The following GPR158 variants were observed in gnomAD, a reference collection of about 807,000 sequenced individuals.
GPR158 encodes G protein-coupled receptor 158, also known as metabotropic glycine receptor.
In GPR158, 30 loss-of-function variants were observed where a neutral mutation model predicts 78.2. That is an observed-to-expected ratio of 0.38 (90% CI 0.29 to 0.52). The LOEUF (loss-of-function observed/expected upper bound fraction) is 0.52, where lower values mean the gene tolerates loss of function less well. Ranked by LOEUF, GPR158 falls within the 20% of genes least tolerant of loss-of-function variation. The pLI is 0.83. For synonymous variants in GPR158, 581 were observed against 591.1 expected, an observed-to-expected ratio of 0.98 and a Z score of 0.25; for missense variants, 1,463 against 1,523.5, an observed-to-expected ratio of 0.96 and a Z score of 0.66.
intron 2 of GPR158, among the ~76,000 whole-genome samples, chr10:25,288,414 G>A (rs1854383492): frequency 6.6e-6 from 1 of 152,076 alleles, no homozygotes; most frequent in Admixed American, 6.5e-5. Context: ...CATAGTTTGG[G>A]GCTGATTCCA....
intron 2 of GPR158, among the ~76,000 whole-genome samples, chr10:25,383,398 C>T (rs1760762): frequency 0.65 from 98,048 of 151,994 alleles, 32,601 homozygotes; most frequent in Non-Finnish European, 0.73. Context: ...ATGCATTTGC[C>T]ACTAAAGCAA....
chr10:25,242,758 A>G (rs1007321825), intron 2 of GPR158, among the ~76,000 whole-genome samples: 1 of 152,104 alleles, frequency 6.6e-6, no homozygotes, highest in African/African-American at 2.4e-5. Context: ...TTCCAATTTT[A>G]TCAGAATATG....
At chr10:25,473,463 G>A (rs1031719105) in intron 5 of GPR158, among the ~76,000 whole-genome samples, 12 of 152,140 alleles carry the variant, frequency 7.9e-5, no homozygotes, top group African/African-American at 2.7e-4. Flanking sequence ...GATGATGCTG[G>A]CCTCATAAAA....
chr10:25,579,176 C>G (rs2130738309), intron 7 of GPR158, among the ~76,000 whole-genome samples: 1 of 151,144 alleles, frequency 6.6e-6, no homozygotes, highest in East Asian at 1.9e-4. Context: ...CTAAATCCTC[C>G]TACCCTGGTT....
intron 2 of GPR158, among the ~76,000 whole-genome samples, chr10:25,265,780 G>T (rs1854037816): frequency 6.6e-6 from 1 of 152,146 alleles, no homozygotes; most frequent in African/African-American, 2.4e-5. Flanking sequence ...AACCAGGCAT[G>T]TCAGGCTCTG....
At chr10:25,335,031 A>G (rs1045969814) in intron 2 of GPR158, among the ~76,000 whole-genome samples, 13 of 152,050 alleles carry the variant, frequency 8.5e-5, no homozygotes, top group African/African-American at 3.1e-4. Flanking sequence ...CCTTGCATTT[A>G]TTTTTAGAGA....
chr10:25,176,063 A>G lies in GPR158; in HGVS notation c.643A>G (p.Asn215Asp). 1 of 1,605,558 alleles carries G rather than the reference A, an allele frequency of 6.2e-7. No individual in the cohort carries two copies. Among genetic ancestry groups the G allele is most frequent in the Non-Finnish European group, 8.5e-7 (1 of 1,176,620 alleles). Residue 215 changes from asparagine to aspartate, a missense_variant, in exon 1 of 11, where the codon AAC becomes GAC. Transcript: ENST00000376351. The surrounding 1 kb of genome is among the most constrained non-coding windows in gnomAD (Gnocchi z 6.3). ...GTCCTCCTCCGCACCCCACCTGGCC[A>G]ACGCCACTCTGGAGACCGAGTGGTT... The part of the protein sequence containing the change: ...DLSSSAPHLA[N>D]ATLETEWFHG...
At position 25,495,070 on chromosome 10, in the gene GPR158, C is replaced by T. The variant is rs549124967; in HGVS notation, c.1404+28351C>T. 2.0e-5 allele frequency among the ~76,000 whole-genome samples: 3 copies of T among 151,528 alleles called. No individual in the cohort carries two copies. The East Asian group carries it at 5.8e-4, about 29-fold the overall frequency. On this transcript the variant is annotated intron_variant, in intron 5 of 10. Transcript: ENST00000376351. ...CAGGTCAATGGTGGGGATTGATTCA[C>T]CGTAGAAAATTTAGAAAGCATAGAT...
At chr10:25,523,485 A>G (rs1836305556) in intron 5 of GPR158, among the ~76,000 whole-genome samples, 1 of 152,170 alleles carries the variant, frequency 6.6e-6, no homozygotes, top group Admixed American at 6.5e-5. Context: ...GTTCCCGTAA[A>G]AGGTTTGCCA....
At chr10:25,181,663 C>T (rs2130628890) in intron 1 of GPR158, among the ~76,000 whole-genome samples, 1 of 152,264 alleles carries the variant, frequency 6.6e-6, no homozygotes, top group South Asian at 2.1e-4. Flanking sequence ...CAAGATGACT[C>T]CTTATAAACC....
chr10:25,365,530 T>C (rs569270179), intron 2 of GPR158, among the ~76,000 whole-genome samples: 2 of 151,844 alleles, frequency 1.3e-5, no homozygotes, highest in East Asian at 3.9e-4. Context: ...TTCTGAGTTT[T>C]GCATAATTCT....
chr10:25,235,969 T>C (rs1336371508), intron 2 of GPR158, among the ~76,000 whole-genome samples: 1 of 152,130 alleles, frequency 6.6e-6, no homozygotes, highest in African/African-American at 2.4e-5. Context: ...GTCCTGGGAT[T>C]ACAGGCGTGA....
At chr10:25,577,407 C>T (rs530752560) in intron 7 of GPR158, among the ~76,000 whole-genome samples, 1 of 151,774 alleles carries the variant, frequency 6.6e-6, no homozygotes, top group African/African-American at 2.4e-5. Context: ...TGTGCACTTA[C>T]ATTAGTGTCA....
intron 2 of GPR158, among the ~76,000 whole-genome samples, chr10:25,321,415 T>C (rs1418253578): frequency 6.6e-6 from 1 of 152,174 alleles, no homozygotes; most frequent in Non-Finnish European, 1.5e-5. Flanking sequence ...CCTCTACTAA[T>C]TTTAGATCCA....
intron 5 of GPR158, among the ~76,000 whole-genome samples, chr10:25,490,576 AATG>A (rs1297763429): frequency 2.0e-5 from 3 of 149,096 alleles, no homozygotes; most frequent in African/African-American, 7.5e-5. Flanking sequence ...GGTTACTGAG[AATG>A]ATGATTTCCA....
intron 5 of GPR158, among the ~76,000 whole-genome samples, chr10:25,505,010 T>G (rs1186143728): frequency 6.6e-6 from 1 of 152,190 alleles, no homozygotes; most frequent in Non-Finnish European, 1.5e-5. Flanking sequence ...ATCTTTATAT[T>G]CCTCACTTTT....
chr10:25,573,975 C>T (rs759510309), intron 7 of GPR158, among the ~76,000 whole-genome samples: 2 of 151,604 alleles, frequency 1.3e-5, no homozygotes, highest in East Asian at 3.9e-4. Context: ...AGGTAGGAAG[C>T]GACTCTGATC....
chr10:25,209,573 T>G (rs1853099911), intron 1 of GPR158, among the ~76,000 whole-genome samples: 1 of 152,188 alleles, frequency 6.6e-6, no homozygotes, highest in Non-Finnish European at 1.5e-5. Flanking sequence ...CACACACAAT[T>G]TATTTTAAAA....
chr10:25,320,409 T>A (rs563857949), intron 2 of GPR158, among the ~76,000 whole-genome samples: 1 of 152,364 alleles, frequency 6.6e-6, no homozygotes, highest in South Asian at 2.1e-4. Flanking sequence ...AGAAGCTGCC[T>A]GGACCATCTG....
Sources: allele counts gnomAD v4.1 joint callset (sites outside exome capture counted in the v4.1 genomes callset), GRCh38; gene constraint gnomAD v4.1.1; non-coding constraint Gnocchi (gnomAD v3.1); transcripts MANE v1.5; gene names NCBI Gene and HGNC (gene_info 2026-07-23, HGNC 2026-07-21).